PHF2: variants seen among roughly 807,000 people sequenced by gnomAD.
PHF2 encodes lysine-specific demethylase PHF2.
In PHF2, 27 loss-of-function variants were observed where a neutral mutation model predicts 120.5. The observed-to-expected ratio is 0.22, with a 90% CI of 0.17 to 0.31. PHF2 has a LOEUF of 0.31. PHF2 is among the 10% of genes least tolerant of loss of function. PHF2 has a pLI of 1.00. For synonymous variants in PHF2, 568 were observed against 592.5 expected, an observed-to-expected ratio of 0.96 and a Z score of 0.60; for missense variants, 1,024 against 1,434.8, an observed-to-expected ratio of 0.71 and a Z score of 4.63.
intron 11 of PHF2, 28 bp from the exon 12 acceptor site, chr9:93,660,164 A>G (rs1480538524): frequency 6.6e-7 from 1 of 1,516,140 alleles, no homozygotes; most frequent in Non-Finnish European, 8.8e-7. Context: ...CAGAAGCAGC[A>G]TGTGACCCTC....
At chr9:93,606,099 A>G (rs1273057798) in intron 1 of PHF2, among the ~76,000 whole-genome samples, 1 of 151,648 alleles carries the variant, frequency 6.6e-6, no homozygotes, top group Non-Finnish European at 1.5e-5. Context: ...CCAGCCTCCT[A>G]AGTAAGTAGC....
At chr9:93,610,661 A>G (rs1825618874) in intron 1 of PHF2, among the ~76,000 whole-genome samples, 4 of 151,844 alleles carry the variant, frequency 2.6e-5, no homozygotes, top group African/African-American at 9.7e-5. Context: ...ATTGTACTTT[A>G]TAATGTTTTG....
chr9:93,594,766 A>G (rs1587668276), intron 1 of PHF2: 1 of 152,272 alleles, frequency 6.6e-6, no homozygotes, highest in Non-Finnish European at 1.5e-5. Flanking sequence ...CCCAGTGGAC[A>G]CCAGCCTTAG....
intron 1 of PHF2, among the ~76,000 whole-genome samples, chr9:93,593,114 A>G (rs1368529292): frequency 1.3e-5 from 2 of 149,270 alleles, no homozygotes; most frequent in African/African-American, 5.1e-5. Context: ...AAAAAAAAGA[A>G]AAAAAAAGGA....
intron 12 of PHF2, among the ~76,000 whole-genome samples, chr9:93,662,048 T>C (rs1826578154): frequency 6.7e-6 from 1 of 148,440 alleles, no homozygotes; most frequent in Admixed American, 6.7e-5. Flanking sequence ...AAATGGTGAG[T>C]GGATGGATGA....
At chr9:93,658,978 A>G (rs1474902743) in intron 10 of PHF2, among the ~76,000 whole-genome samples, 2 of 152,198 alleles carry the variant, frequency 1.3e-5, no homozygotes, top group East Asian at 1.9e-4. Flanking sequence ...CAGAGGTACT[A>G]TGCCCACTCT....
intron 1 of PHF2, among the ~76,000 whole-genome samples, chr9:93,594,480 C>T (rs1274455075): frequency 2.0e-5 from 3 of 152,226 alleles, no homozygotes; most frequent in Non-Finnish European, 2.9e-5. Context: ...CTTCCCAGAG[C>T]AGCAGGGCGT....
intron 1 of PHF2, among the ~76,000 whole-genome samples, chr9:93,615,194 T>C (rs201949860): frequency 1.9e-4 from 23 of 121,062 alleles, no homozygotes; most frequent in South Asian, 2.5e-4. Flanking sequence ...ATGGCGATGG[T>C]GATGATGATG....
intron 7 of PHF2, among the ~76,000 whole-genome samples, 190 bp from the exon 8 acceptor site, chr9:93,655,744 A>G (rs927875320): frequency 6.6e-6 from 1 of 152,190 alleles, no homozygotes; most frequent in Non-Finnish European, 1.5e-5. Flanking sequence ...AGCTTCTCCC[A>G]GGGAGGCCCC....
At chr9:93,606,781 G>A (rs1825550671) in intron 1 of PHF2, among the ~76,000 whole-genome samples, 2 of 152,144 alleles carry the variant, frequency 1.3e-5, no homozygotes, top group African/African-American at 2.4e-5. Context: ...CCAAACTGAA[G>A]GCCATCTAGA....
chr9:93,665,264 A>G (rs1306520884), intron 14 of PHF2, among the ~76,000 whole-genome samples: 1 of 152,222 alleles, frequency 6.6e-6, no homozygotes, highest in Non-Finnish European at 1.5e-5. Flanking sequence ...ATTCCTAGGC[A>G]GGCCCGAGGC....
chr9:93,618,421 C>G (rs1384967211), intron 1 of PHF2, among the ~76,000 whole-genome samples: 1 of 152,218 alleles, frequency 6.6e-6, no homozygotes, highest in Non-Finnish European at 1.5e-5. Context: ...GTACGTCTGC[C>G]TGCATACACG....
chr9:93,661,332 G>A (rs1826560981), intron 12 of PHF2, among the ~76,000 whole-genome samples: 1 of 152,162 alleles, frequency 6.6e-6, no homozygotes, highest in Admixed American at 6.5e-5. Context: ...GGACGCTTTT[G>A]TGTTCTCTTT....
At chr9:93,661,662 G>A (rs1276135881) in intron 12 of PHF2, among the ~76,000 whole-genome samples, 2 of 151,860 alleles carry the variant, frequency 1.3e-5, no homozygotes, top group Admixed American at 6.6e-5. Flanking sequence ...TAGATGAATG[G>A]AATAATGAAT....
chr9:93,653,313 C>A lies in PHF2; in HGVS notation c.737C>A (p.Thr246Asn). ...CTAATCTGCGTGAAGGACAGTTACA[C>A]CGACTTCCACATCGACTCTGGGGGC... The part of the protein sequence containing the change: ...YCLICVKDSY[T>N]DFHIDSGGAS... The change falls in exon 6 of 22, where the codon ACC (threonine) becomes AAC (asparagine). Residue 246 changes from threonine to asparagine, a missense_variant. Transcript: ENST00000359246. 1 of 1,614,046 alleles carries A rather than the reference C, an allele frequency of 6.2e-7. No homozygotes were observed. The highest frequency in any genetic ancestry group is 8.5e-7 in the Non-Finnish European group (1 of 1,180,036).
intron 1 of PHF2, among the ~76,000 whole-genome samples, chr9:93,604,090 G>C (rs569739974): frequency 6.6e-6 from 1 of 152,202 alleles, no homozygotes; most frequent in Middle Eastern, 3.2e-3. Context: ...GGAAACAGAT[G>C]GGGGAGTGCA....
intron 1 of PHF2, among the ~76,000 whole-genome samples, chr9:93,628,883 A>G (rs1055845489): frequency 6.6e-6 from 1 of 152,010 alleles, no homozygotes; most frequent in African/African-American, 2.4e-5. Flanking sequence ...CATGTTACAG[A>G]TGCCCATTCT....
At chr9:93,665,619 G>A (rs1305991804) in intron 14 of PHF2, 67 bp from the exon 15 acceptor site, 3 of 1,550,314 alleles carry the variant, frequency 1.9e-6, no homozygotes, top group Non-Finnish European at 2.6e-6. Flanking sequence ...GACCCCTCGG[G>A]AGGTCCTACC....
intron 1 of PHF2, among the ~76,000 whole-genome samples, chr9:93,603,063 C>T (rs1410706476): frequency 1.3e-5 from 2 of 152,188 alleles, no homozygotes; most frequent in Non-Finnish European, 2.9e-5. Flanking sequence ...GTGACCAGGT[C>T]TGCCCTTTCC....
Sources: gnomAD v4.1 joint callset for allele counts (sites outside exome capture counted in the v4.1 genomes callset) on GRCh38, gnomAD v4.1.1 for gene constraint, MANE v1.5 for transcripts, NCBI Gene and HGNC (gene_info 2026-07-23, HGNC 2026-07-21) for gene names.